FER: variants seen among roughly 807,000 people sequenced by gnomAD.
FER encodes the protein tyrosine-protein kinase Fer.
A neutral mutation model predicts 111.0 loss-of-function variants in FER; 63 were observed. The ratio of observed to expected loss-of-function variants is 0.57; its 90% confidence interval spans 0.46 to 0.70. The LOEUF is 0.70. Among genes scored for constraint, FER ranks in the 30% least tolerant of loss-of-function variants. The probability of loss-of-function intolerance (pLI) is 0.00; values close to 1 mark genes in which losing one functional copy is unlikely to be tolerated. For synonymous variants in FER, 327 were observed against 313.9 expected (o/e 1.04, Z -0.44); for missense variants, 914 against 954.0 (o/e 0.96, Z 0.55).
At chr5:108,840,483 C>G (rs773511207) in intron 5 of FER, among the ~76,000 whole-genome samples, 19 of 151,496 alleles carry the variant, frequency 1.3e-4, no homozygotes, top group Non-Finnish European at 2.5e-4. Context: ...TCTGTAGACT[C>G]TTAGTCTTTT....
At chr5:108,792,567 C>A (rs1489573244) in intron 2 of FER, among the ~76,000 whole-genome samples, 1 of 151,944 alleles carries the variant, frequency 6.6e-6, no homozygotes, top group Non-Finnish European at 1.5e-5. Flanking sequence ...AAACTCCTGA[C>A]CTCAGGTGAT....
intron 5 of FER, among the ~76,000 whole-genome samples, chr5:108,837,249 C>T (rs557677488): frequency 1.7e-4 from 26 of 152,082 alleles, no homozygotes; most frequent in Non-Finnish European, 2.9e-4. Flanking sequence ...TTACTGGGCA[C>T]TTGCTATGTT....
At chr5:108,819,748 A>G (rs1016612454) in intron 3 of FER, 53 of 976,372 alleles carry the variant, frequency 5.4e-5, no homozygotes, top group Middle Eastern at 1.1e-3. Context: ...AGAGAGAAAA[A>G]AAGCATTTTT....
chr5:109,167,679 C>G (rs1172367296), intron 17 of FER, among the ~76,000 whole-genome samples: 1 of 152,146 alleles, frequency 6.6e-6, no homozygotes, highest in Non-Finnish European at 1.5e-5. Context: ...GGCCTTCTGC[C>G]AGAATTGGAG....
intron 3 of FER, chr5:108,820,556 T>C (rs1758728659): frequency 7.1e-6 from 7 of 984,698 alleles, no homozygotes; most frequent in Non-Finnish European, 8.4e-6. Context: ...TTTTCTGGCC[T>C]GTTCTGTGTT....
At chr5:109,172,521 T>G in intron 17 of FER, among the ~76,000 whole-genome samples, 2 of 141,066 alleles carry the variant, frequency 1.4e-5, no homozygotes, top group Non-Finnish European at 3.1e-5. Flanking sequence ...CATTAGGAGA[T>G]ATACCTAATG....
At chr5:109,065,649 G>A (rs143539565) in intron 16 of FER, among the ~76,000 whole-genome samples, 1 of 151,980 alleles carries the variant, frequency 6.6e-6, no homozygotes, top group Non-Finnish European at 1.5e-5. Flanking sequence ...TGAGCCCAGG[G>A]GTTCACAAAT....
intron 17 of FER, among the ~76,000 whole-genome samples, chr5:109,159,805 C>G (rs1039364029): frequency 2.0e-5 from 3 of 152,194 alleles, no homozygotes; most frequent in Non-Finnish European, 4.4e-5. Flanking sequence ...TCGCAGCCCA[C>G]CCTCCCCAGG....
At position 108,871,266 on chromosome 5, in the gene FER, A is replaced by G. The variant is rs577321626; in HGVS notation, c.666-99A>G. On this transcript the variant is annotated intron_variant, in intron 6 of 19. Transcript: ENST00000281092. ...AGGAAACAACCATCTGTACATTTCA[A>G]CATTACATTTCTTATGCTTATTGTT... is the stretch of plus-strand genomic sequence containing the variant. 39 of 956,938 alleles carry G rather than the reference A, an allele frequency of 4.1e-5. 1 individual carries two copies. Among genetic ancestry groups the G allele is most frequent in the African/African-American group, 3.3e-4 (20 of 60,790 alleles). 59.3% of individuals were successfully genotyped at this position (956,938 alleles called of 1,614,324 possible). A position where few individuals can be genotyped will look rare whatever the true frequency, so the allele number is the denominator to read the frequency against.
intron 16 of FER, among the ~76,000 whole-genome samples, chr5:109,062,608 A>G (rs1774565871): frequency 6.6e-6 from 1 of 152,118 alleles, no homozygotes. Flanking sequence ...TTGTTTTCAT[A>G]TATGTGATTA....
intron 16 of FER, among the ~76,000 whole-genome samples, chr5:109,084,170 G>T (rs923006677): frequency 6.6e-6 from 1 of 151,778 alleles, no homozygotes; most frequent in African/African-American, 2.4e-5. Flanking sequence ...AACCACCTTC[G>T]TCACCAGGGG....
intron 5 of FER, among the ~76,000 whole-genome samples, chr5:108,850,189 G>A (rs1336531375): frequency 1.1e-4 from 16 of 146,362 alleles, no homozygotes; most frequent in African/African-American, 2.8e-4. Context: ...GCAAGACTCC[G>A]TCTCAAAAAA....
At chr5:108,996,835 C>G (rs1228662261) in intron 13 of FER, among the ~76,000 whole-genome samples, 1 of 152,134 alleles carries the variant, frequency 6.6e-6, no homozygotes, top group African/African-American at 2.4e-5. Context: ...AGCATTTAAT[C>G]TATACATTAC....
At chr5:108,906,308 T>G (rs1227493069) in intron 10 of FER, among the ~76,000 whole-genome samples, 2 of 152,200 alleles carry the variant, frequency 1.3e-5, no homozygotes, top group African/African-American at 4.8e-5. Flanking sequence ...TCCCTGTTCT[T>G]GATGTTATTT....
At chr5:109,116,311 A>T (rs1349287182) in intron 17 of FER, among the ~76,000 whole-genome samples, 1 of 152,038 alleles carries the variant, frequency 6.6e-6, no homozygotes, top group Non-Finnish European at 1.5e-5. Context: ...TCTAGACTTC[A>T]GTTATAAAAG....
chr5:109,149,019 C>G (rs1224978310), intron 17 of FER, among the ~76,000 whole-genome samples: 1 of 152,032 alleles, frequency 6.6e-6, no homozygotes, highest in Non-Finnish European at 1.5e-5. Context: ...GTCACATAAC[C>G]TAGTTCAATC....
chr5:108,809,849 C>T (rs1394812066), intron 3 of FER, among the ~76,000 whole-genome samples: 1 of 152,196 alleles, frequency 6.6e-6, no homozygotes, highest in Admixed American at 6.5e-5. Context: ...AGATGTGAGC[C>T]ACCATGCCAA....
At chr5:108,817,934 G>C (rs938041426) in intron 3 of FER, 4 of 151,964 alleles carry the variant, frequency 2.6e-5, no homozygotes, top group African/African-American at 9.7e-5. Context: ...GGCATTGTAG[G>C]GTTTATGTTA....
At chr5:108,967,490 G>A (rs561872787) in intron 13 of FER, among the ~76,000 whole-genome samples, 16 of 152,148 alleles carry the variant, frequency 1.1e-4, no homozygotes, top group African/African-American at 2.7e-4. Context: ...CGCCAGGCAC[G>A]GTGGCTTACA....
Sources: gnomAD v4.1 joint callset for allele counts (sites outside exome capture counted in the v4.1 genomes callset) on GRCh38, gnomAD v4.1.1 for gene constraint, MANE v1.5 for transcripts, NCBI Gene and HGNC (gene_info 2026-07-23, HGNC 2026-07-21) for gene names.